The following ISX variants were observed in gnomAD, a reference collection of about 807,000 sequenced individuals.
ISX encodes intestine specific homeobox, also known as intestine-specific homeobox.
Under a neutral mutation model 16.9 loss-of-function variants are expected in ISX, and 15 were observed. The observed-to-expected ratio is 0.89, with a 90% CI of 0.59 to 1.36. The LOEUF (loss-of-function observed/expected upper bound fraction) is 1.36. Among genes scored for constraint, ISX ranks in the 40% most tolerant of loss-of-function variants. The probability of loss-of-function intolerance (pLI) is 0.00; values close to 1 mark genes in which losing one functional copy is unlikely to be tolerated. For missense variants in ISX, 316 were observed against 306.1 expected (o/e 1.03, Z -0.24); for synonymous variants, 125 against 119.7 (o/e 1.04, Z -0.29).
Position 35,085,447 on chromosome 22 carries a change from G to T in ISX, c.499-7G>T. On this transcript the variant is annotated splice_polypyrimidine_tract_variant and splice_region_variant and intron_variant, in intron 4 of 4. Coordinates refer to ENST00000404699, the MANE Select transcript of ISX (RefSeq NM_001303508.2). ...CACTTCTCTCTCCTGACCTCTCCTT[G>T]TGACAGGGGCCCACGTGGACATCCA... 1 of 1,614,194 alleles carries T rather than the reference G, an allele frequency of 6.2e-7. No homozygotes were observed. The highest frequency in any genetic ancestry group is 1.1e-5 in the South Asian group (1 of 91,084).
At chr22:35,082,442 G>C in intron 2 of ISX, 76 bp from the exon 3 acceptor site, 2 of 1,461,708 alleles carry the variant, frequency 1.4e-6, no homozygotes, top group Non-Finnish European at 1.9e-6. Context: ...GGAAGGGTAG[G>C]ACAAGGCAAC....
At chr22:35,081,375 T>C (rs1350369945) in intron 2 of ISX, among the ~76,000 whole-genome samples, 3 of 152,192 alleles carry the variant, frequency 2.0e-5, no homozygotes. Context: ...ATGCAGATGC[T>C]CAGGACCCTG....
intron 2 of ISX, among the ~76,000 whole-genome samples, chr22:35,076,020 T>G (rs1928970132): frequency 6.6e-6 from 1 of 152,092 alleles, no homozygotes; most frequent in Non-Finnish European, 1.5e-5. Flanking sequence ...ATTGATTGAC[T>G]CATAGAGACT....
At chr22:35,076,123 G>T (rs1339883227) in intron 2 of ISX, among the ~76,000 whole-genome samples, 1 of 151,822 alleles carries the variant, frequency 6.6e-6, no homozygotes, top group African/African-American at 2.4e-5. Flanking sequence ...TACCTATTGT[G>T]TTTCAACCAG....
intron 2 of ISX, among the ~76,000 whole-genome samples, chr22:35,080,288 A>C (rs745744584): frequency 7.2e-5 from 11 of 152,280 alleles, no homozygotes; most frequent in Non-Finnish European, 1.5e-4. Context: ...ATAGGTCCTT[A>C]ATTTGAACCT....
chr22:35,070,050 T>C (rs1347720507), intron 2 of ISX, among the ~76,000 whole-genome samples: 4 of 152,168 alleles, frequency 2.6e-5, no homozygotes, highest in Non-Finnish European at 4.4e-5. Context: ...AAGCTGAGAC[T>C]CAATAAGGTG....
chr22:35,069,924 G>C (rs1243479415), intron 2 of ISX, among the ~76,000 whole-genome samples: 1 of 152,146 alleles, frequency 6.6e-6, no homozygotes, highest in Non-Finnish European at 1.5e-5. Context: ...AATGCAGCCT[G>C]TCAGGCCCAG....
chr22:35,074,324 G>C (rs1445942042), intron 2 of ISX, among the ~76,000 whole-genome samples: 1 of 152,216 alleles, frequency 6.6e-6, no homozygotes, highest in Non-Finnish European at 1.5e-5. Context: ...TGGAGCAGCT[G>C]TGTGTGCTTG....
chr22:35,074,320 A>T (rs1928927214), intron 2 of ISX, among the ~76,000 whole-genome samples: 1 of 152,090 alleles, frequency 6.6e-6, no homozygotes, highest in African/African-American at 2.4e-5. Context: ...TGGCTGGAGC[A>T]GCTGTGTGTG....
In ISX at chr22:35,066,749, C is replaced by T. The variant is rs1928708753; in HGVS notation, c.-336-3C>T. 3.8e-6 allele frequency: 1 copy of T among 264,362 alleles called. No individual in the cohort carries two copies. The highest frequency in any genetic ancestry group is 7.1e-6 in the Non-Finnish European group (1 of 139,898). The allele number at this position is 264,362 out of a possible 1,614,324, so 16.4% of individuals were successfully genotyped here. A position where few individuals can be genotyped will look rare whatever the true frequency, so the allele number is the denominator to read the frequency against. ...TTTGTTCGCCACTGGGCGGTGACCTCAGGGATCCTGGCCTAACCTGGTGAT... is the reference window on the plus strand; with the variant it reads ...TTTGTTCGCCACTGGGCGGTGACCTTAGGGATCCTGGCCTAACCTGGTGAT... On this transcript the variant is annotated splice_polypyrimidine_tract_variant and splice_region_variant and intron_variant, in intron 1 of 4. Coordinates refer to ENST00000404699, the MANE Select transcript of ISX (RefSeq NM_001303508.2).
intron 2 of ISX, among the ~76,000 whole-genome samples, chr22:35,075,839 T>C (rs1007128456): frequency 6.6e-5 from 10 of 152,240 alleles, no homozygotes; most frequent in Admixed American, 1.3e-4. Context: ...ATTGTTCCAG[T>C]GATTTCTTTA....
chr22:35,068,233 C>T (rs1183386438), intron 2 of ISX, among the ~76,000 whole-genome samples: 1 of 152,188 alleles, frequency 6.6e-6, no homozygotes, highest in Non-Finnish European at 1.5e-5. Context: ...TCAGTTCTCT[C>T]CCCTTTTCAC....
chr22:35,067,853 G>A (rs930416601), intron 2 of ISX, among the ~76,000 whole-genome samples: 3 of 152,168 alleles, frequency 2.0e-5, no homozygotes, highest in Admixed American at 6.5e-5. Context: ...TTTGCCCAGG[G>A]GCCGAAGCTT....
At position 35,067,032 on chromosome 22, in the gene ISX, G is replaced by A. The variant is rs893758966; in HGVS notation, c.-56G>A. 2.9e-6 allele frequency: 4 copies of A among 1,387,692 alleles called. No homozygotes were observed. The highest frequency in any genetic ancestry group is 2.9e-5 in the African/African-American group (2 of 70,090). The allele number at this position is 1,387,692 out of a possible 1,614,324, so 86.0% of individuals were successfully genotyped here. On this transcript the variant is annotated 5_prime_UTR_variant, in exon 2 of 5. Coordinates refer to ENST00000404699, the MANE Select transcript of ISX (RefSeq NM_001303508.2). ...CCAGGAGGTTCAGGGGAGGAAGTAC[G>A]CCACTCTCCACTGGCACCCTCCTTG...
intron 2 of ISX, among the ~76,000 whole-genome samples, chr22:35,079,159 T>C (rs1232715572): frequency 6.6e-6 from 1 of 152,154 alleles, no homozygotes; most frequent in African/African-American, 2.4e-5. Flanking sequence ...AGAAGTGAAA[T>C]CTATTTTTCA....
intron 2 of ISX, among the ~76,000 whole-genome samples, chr22:35,079,180 A>G (rs1298063506): frequency 1.3e-5 from 2 of 152,158 alleles, no homozygotes; most frequent in African/African-American, 4.8e-5. Flanking sequence ...CTGAGTGTCT[A>G]CTCCAATTCT....
intron 2 of ISX, among the ~76,000 whole-genome samples, chr22:35,078,128 C>G (rs1266180721): frequency 2.0e-5 from 3 of 151,950 alleles, no homozygotes; most frequent in South Asian, 2.1e-4. Context: ...GTCCTTGACA[C>G]CTCAGTTTTC....
Position 35,068,098 on chromosome 22 carries a change from G to A in ISX, c.229+782G>A, listed in dbSNP as rs142977484. ...GACCTCAGAAAAGTCCCTGTCCACT[G>A]CAGCCTCAGGTTTATTCTCAGCAAA... On this transcript the variant is annotated intron_variant, in intron 2 of 4. Transcript: ENST00000404699. 1.3e-3 allele frequency among the ~76,000 whole-genome samples: 201 copies of A among 152,352 alleles called. 1 individual carries two copies. The highest frequency in any genetic ancestry group is 6.8e-3 in the Middle Eastern group (2 of 294).
chr22:35,083,897 T>C (rs1929182591), intron 3 of ISX, among the ~76,000 whole-genome samples: 1 of 152,248 alleles, frequency 6.6e-6, no homozygotes, highest in African/African-American at 2.4e-5. Flanking sequence ...GAGCTGCCAA[T>C]ATTCAGCCGG....
Sources: allele counts gnomAD v4.1 joint callset (sites outside exome capture counted in the v4.1 genomes callset), GRCh38; gene constraint gnomAD v4.1.1; transcripts MANE v1.5; gene names NCBI Gene and HGNC (gene_info 2026-07-23, HGNC 2026-07-21).